Variants in AGMO observed in about 807,000 individuals in gnomAD.
The protein encoded by AGMO is glyceryl-ether monooxygenase.
In AGMO, 75 loss-of-function variants were observed where a neutral mutation model predicts 60.2. That is an observed-to-expected ratio of 1.25 (90% CI 1.03 to 1.51). AGMO has a LOEUF of 1.51. AGMO is among the 40% of genes most tolerant of loss of function. The pLI, the probability that AGMO is intolerant of heterozygous loss-of-function variation, is 0.00. For synonymous variants in AGMO, 261 were observed against 177.1 expected (o/e 1.47, Z -3.76); for missense variants, 763 against 525.5 (o/e 1.45, Z -4.42).
chr7:15,424,100 T>C (rs11763609), intron 4 of AGMO, among the ~76,000 whole-genome samples: 28,960 of 152,136 alleles, frequency 0.19, 2,858 homozygotes, highest in Non-Finnish European at 0.22. Context: ...TCATTACAGA[T>C]TTGCTTCAAG....
At chr7:15,184,614 AGAGG>A in the AGMO span, among the ~76,000 whole-genome samples, 1 of 35,506 alleles carries the variant, frequency 2.8e-5, no homozygotes, top group Non-Finnish European at 5.1e-5. Flanking sequence ...AAGAAGGAAG[AGAGG>A]GAGGGAGGGA....
At chr7:15,486,097 G>T (rs1383005856) in intron 3 of AGMO, among the ~76,000 whole-genome samples, 1 of 152,118 alleles carries the variant, frequency 6.6e-6, no homozygotes, top group African/African-American at 2.4e-5. Context: ...CCATGTATTG[G>T]ATCATTGCTA....
At chr7:15,119,282 G>A in the AGMO span, among the ~76,000 whole-genome samples, 2 of 151,898 alleles carry the variant, frequency 1.3e-5, no homozygotes, top group Non-Finnish European at 2.9e-5. Flanking sequence ...AAAGCTTCCT[G>A]AGGCCTCCCC....
chr7:15,122,009 C>T, the AGMO span, among the ~76,000 whole-genome samples: 20 of 152,094 alleles, frequency 1.3e-4, no homozygotes, highest in East Asian at 1.7e-3. Context: ...AAAGACTTCA[C>T]GACTAAAACA....
intron 12 of AGMO, among the ~76,000 whole-genome samples, chr7:15,225,386 T>C (rs569643742): frequency 2.0e-5 from 3 of 152,054 alleles, no homozygotes; most frequent in Admixed American, 1.3e-4. Context: ...TTTTAATTAC[T>C]ATGTCAAAGA....
At chr7:15,138,365 T>G in the AGMO span, among the ~76,000 whole-genome samples, 1 of 152,294 alleles carries the variant, frequency 6.6e-6, no homozygotes. Context: ...TAAGTAGAGT[T>G]AAGCACAAAG....
chr7:15,548,037 C>G (rs1304170292), intron 2 of AGMO, among the ~76,000 whole-genome samples: 4 of 150,636 alleles, frequency 2.7e-5, no homozygotes, highest in Non-Finnish European at 6.0e-5. Context: ...AACTAGGAGG[C>G]ACCCCCCAGC....
At position 15,269,078 on chromosome 7, in the gene AGMO, T is replaced by C. The variant is rs150129917; in HGVS notation, c.1264-67719A>G. On this transcript the variant is annotated intron_variant, in intron 12 of 12. Coordinates refer to ENST00000342526, the MANE Select transcript of AGMO (RefSeq NM_001004320.2). ...TTTTTGGCATTGTGGGCCATACACG[T>C]TTTGTTCCACTATTCAACTCTGCCA... 2.5e-3 allele frequency among the ~76,000 whole-genome samples: 374 copies of C among 152,188 alleles called. 1 individual carries two copies. Among genetic ancestry groups the C allele is most frequent in the African/African-American group, 8.1e-3 (337 of 41,550 alleles).
chr7:15,454,511 T>C (rs1781946590), intron 3 of AGMO, among the ~76,000 whole-genome samples: 1 of 152,156 alleles, frequency 6.6e-6, no homozygotes, highest in African/African-American at 2.4e-5. Flanking sequence ...ATGTTTTCAA[T>C]AACCTTTTTC....
intron 3 of AGMO, among the ~76,000 whole-genome samples, chr7:15,498,727 A>C (rs1277063731): frequency 6.6e-6 from 1 of 151,958 alleles, no homozygotes; most frequent in East Asian, 1.9e-4. Context: ...CAAGTGTCTA[A>C]TTTAATCAAA....
intron 2 of AGMO, among the ~76,000 whole-genome samples, chr7:15,550,217 A>C (rs1237843955): frequency 1.3e-5 from 2 of 150,890 alleles, no homozygotes; most frequent in African/African-American, 4.9e-5. Flanking sequence ...GAAAGCAGGA[A>C]AGATCCAAAA....
chr7:15,535,397 A>G (rs1349983407), intron 3 of AGMO, among the ~76,000 whole-genome samples: 1 of 151,932 alleles, frequency 6.6e-6, no homozygotes, highest in African/African-American at 2.4e-5. Flanking sequence ...TACAAAATGA[A>G]GTTAAAATAA....
chr7:15,285,734 T>C (rs921070548), intron 12 of AGMO, among the ~76,000 whole-genome samples: 3 of 152,006 alleles, frequency 2.0e-5, no homozygotes, highest in Non-Finnish European at 4.4e-5. Flanking sequence ...TAAAATTCTG[T>C]GGATTACAAA....
intron 12 of AGMO, among the ~76,000 whole-genome samples, chr7:15,331,337 T>G: frequency 6.6e-6 from 1 of 152,204 alleles, no homozygotes; most frequent in East Asian, 1.9e-4. Flanking sequence ...TTAGGATAAT[T>G]TGTTACACAG....
At chr7:15,179,015 A>C in the AGMO span, among the ~76,000 whole-genome samples, 1 of 152,146 alleles carries the variant, frequency 6.6e-6, no homozygotes, top group East Asian at 1.9e-4. Flanking sequence ...ATTTATTCAT[A>C]AGGGCAGAGC....
At chr7:15,358,593 TAA>T (rs1782634089) in intron 12 of AGMO, 1 of 339,274 alleles carries the variant, frequency 2.9e-6, no homozygotes. Flanking sequence ...CTCCCCAAGA[TAA>T]AAAGACCTTA....
chr7:15,136,359 C>G, the AGMO span, among the ~76,000 whole-genome samples: 1 of 152,140 alleles, frequency 6.6e-6, no homozygotes, highest in Non-Finnish European at 1.5e-5. Flanking sequence ...TTTCTTGCAC[C>G]TTTCCTCCCT....
At chr7:15,205,242 TG>T (rs368798461) in intron 12 of AGMO, among the ~76,000 whole-genome samples, 1 of 152,196 alleles carries the variant, frequency 6.6e-6, no homozygotes, top group Non-Finnish European at 1.5e-5. Context: ...CTTTGTGCAG[TG>T]GAAAGTTCCA....
chr7:15,354,379 T>TATAG (rs1186632664), intron 12 of AGMO, among the ~76,000 whole-genome samples: 1,408 of 54,404 alleles, frequency 0.026, 233 homozygotes, highest in Admixed American at 0.037. Flanking sequence ...GACGTGTGTA[T>TATAG]ACACGTGTGT....
Sources: gnomAD v4.1 joint callset for allele counts (sites outside exome capture counted in the v4.1 genomes callset) on GRCh38, gnomAD v4.1.1 for gene constraint, MANE v1.5 for transcripts, NCBI Gene and HGNC (gene_info 2026-07-23, HGNC 2026-07-21) for gene names.